The following MCM8 variants were observed in gnomAD, a reference collection of about 807,000 sequenced individuals.
MCM8 encodes the protein DNA helicase MCM8.
Under a neutral mutation model 98.9 loss-of-function variants are expected in MCM8, and 85 were observed. The observed-to-expected ratio is 0.86, with a 90% CI of 0.72 to 1.03. MCM8 has a LOEUF of 1.03. MCM8 is among the 50% of genes least tolerant of loss of function. The probability of loss-of-function intolerance (pLI) is 0.00; values close to 1 mark genes in which losing one functional copy is unlikely to be tolerated. For synonymous variants in MCM8, 352 were observed against 338.6 expected (o/e 1.04, Z -0.44); for missense variants, 951 against 997.8 (o/e 0.95, Z 0.63).
chr20:5,972,184 A>G (rs2089418619), intron 11 of MCM8, 147 bp downstream of exon 11: 2 of 521,494 alleles, frequency 3.8e-6, no homozygotes, highest in Non-Finnish European at 6.6e-6. Flanking sequence ...GGAGGCAAGC[A>G]AACTATAGCT....
chr20:5,951,458 C>A (rs2088820698), intron 1 of MCM8, among the ~76,000 whole-genome samples: 1 of 151,930 alleles, frequency 6.6e-6, no homozygotes, highest in East Asian at 1.9e-4. Flanking sequence ...TCTTTATTTA[C>A]TTGTATACTT....
chr20:5,959,218 TTATC>T (rs2089071053), intron 7 of MCM8, among the ~76,000 whole-genome samples: 2 of 152,222 alleles, frequency 1.3e-5, no homozygotes, highest in South Asian at 2.1e-4. Flanking sequence ...TAATTAACAT[TTATC>T]TACTCTATGA....
In MCM8 at chr20:5,967,444, A is replaced by G; in HGVS notation, c.884A>G (p.Glu295Gly). 1.2e-6 allele frequency: 2 copies of G among 1,612,778 alleles called. No homozygotes were observed. Among genetic ancestry groups the G allele is most frequent in the Non-Finnish European group, 1.7e-6 (2 of 1,179,362 alleles). Residue 295 changes from glutamate to glycine, a missense_variant, in exon 9 of 19, where the codon GAA (glutamate) becomes GGA (glycine). Physicochemically the swap from Glu to Gly is moderately conservative, Grantham distance 98. Transcript: ENST00000610722. ...TMDWQSIKIQ[E>G]LMSDDQREAG... is the part of the protein sequence containing the mutation. ...CTATTTAAACTTTTTAGAATCCAGG[A>G]ATTGATGTCTGATGATCAGAGAGAA...
In MCM8 at chr20:5,967,936, G is replaced by A; in HGVS notation, c.1134G>A (p.Lys378=). 1 of 1,614,144 alleles carries A rather than the reference G, an allele frequency of 6.2e-7. No individual in the cohort carries two copies. The highest frequency in any genetic ancestry group is 8.5e-7 in the Non-Finnish European group (1 of 1,179,998). ...QKTKSSEDGC[K]HGMLMEFSLK... is the part of the protein sequence containing the mutation. ...CAAAGAGTTCTGAGGATGGGTGTAAGCATGGAATGTTGATGGAGTTCTCAC... is the reference window on the plus strand; with the variant it reads ...CAAAGAGTTCTGAGGATGGGTGTAAACATGGAATGTTGATGGAGTTCTCAC... Residue 378 remains lysine, a synonymous_variant, in exon 10 of 19, where the codon AAG becomes AAA. Coordinates refer to ENST00000610722, the MANE Select transcript of MCM8 (RefSeq NM_032485.6).
chr20:5,994,793 C>A lies in MCM8; in HGVS notation c.*402C>A. On this transcript the variant is annotated 3_prime_UTR_variant, in exon 19 of 19. Coordinates refer to ENST00000610722, the MANE Select transcript of MCM8 (RefSeq NM_032485.6). ...GTATGGTGGCACATGCCTATAGTCT[C>A]AGCTACTTGTGAGGCTGAGGCAGGA... is the stretch of plus-strand genomic sequence containing the variant. 2 of 436,404 alleles carry A rather than the reference C, an allele frequency of 4.6e-6. No individual in the cohort carries two copies. Among genetic ancestry groups the A allele is most frequent in the Admixed American group, 2.5e-5 (1 of 39,652 alleles). 27.0% of individuals were successfully genotyped at this position (436,404 alleles called of 1,614,324 possible).
At chr20:5,970,873 A>G (rs1478299505) in intron 10 of MCM8, among the ~76,000 whole-genome samples, 1 of 152,122 alleles carries the variant, frequency 6.6e-6, no homozygotes, top group Non-Finnish European at 1.5e-5. Flanking sequence ...CCGTGGCACA[A>G]TCAGAGCTCA....
chr20:5,956,797 A>G (rs1421357665), intron 5 of MCM8, among the ~76,000 whole-genome samples: 1 of 151,882 alleles, frequency 6.6e-6, no homozygotes, highest in Admixed American at 6.6e-5. Flanking sequence ...ATAGAGAAAT[A>G]GGAATGCATT....
At chr20:5,955,349 C>T (rs2088949868) in intron 5 of MCM8, 98 bp downstream of exon 5, 1 of 1,153,658 alleles carries the variant, frequency 8.7e-7, no homozygotes, top group Non-Finnish European at 1.2e-6. Flanking sequence ...TTTACAGTGA[C>T]TGTACTTTCT....
chr20:5,955,686 A>G (rs908280195), intron 5 of MCM8, among the ~76,000 whole-genome samples: 4 of 152,252 alleles, frequency 2.6e-5, no homozygotes, highest in Non-Finnish European at 5.9e-5. Context: ...AATGTAAATA[A>G]CAGTTTGTAC....
intron 8 of MCM8, among the ~76,000 whole-genome samples, chr20:5,964,910 C>T (rs2089241744): frequency 1.3e-5 from 2 of 152,036 alleles, no homozygotes; most frequent in Admixed American, 1.3e-4. Context: ...AGGCACAGTC[C>T]CCACAACTTG....
chr20:5,975,239 A>G (rs2089483777), intron 12 of MCM8, among the ~76,000 whole-genome samples: 2 of 152,042 alleles, frequency 1.3e-5, no homozygotes, highest in South Asian at 4.2e-4. Flanking sequence ...AGCCTGGGCA[A>G]TAGAGCAAGA....
At chr20:5,989,299 A>G (rs1392985340) in intron 17 of MCM8, among the ~76,000 whole-genome samples, 1 of 151,924 alleles carries the variant, frequency 6.6e-6, no homozygotes, top group Non-Finnish European at 1.5e-5. Flanking sequence ...TATTTTTAGT[A>G]GAGATGGGGT....
At chr20:5,969,994 G>A (rs956345740) in intron 10 of MCM8, among the ~76,000 whole-genome samples, 6 of 152,100 alleles carry the variant, frequency 3.9e-5, no homozygotes, top group African/African-American at 1.4e-4. Context: ...TCTTCCCACA[G>A]TTTGCTTTTT....
Position 5,996,629 on chromosome 20 carries a change from G to C in MCM8, c.*2238G>C, listed in dbSNP as rs560070577. 3.3e-5 allele frequency: 5 copies of C among 152,142 alleles called. No homozygotes were observed. In the South Asian group the frequency reaches 1.0e-3, roughly 31 times the overall value. 9.4% of individuals were successfully genotyped at this position (152,142 alleles called of 1,614,324 possible). On this transcript the variant is annotated 3_prime_UTR_variant, in exon 19 of 19. Transcript: ENST00000610722. ...AACCAAAATAAAGTGGTAGACAGAA[G>C]AGAAAATATACTAATTTATTGTTCA... is the stretch of plus-strand genomic sequence containing the variant.
chr20:5,982,843 G>A lies in MCM8; in HGVS notation c.1538-127G>A, dbSNP rs1327089429. ...AACAAACAGTAATTCTCCATTGTATGACATTTTATAATTTTAACTGCTGAA... is the reference window on the plus strand; with the variant it reads ...AACAAACAGTAATTCTCCATTGTATAACATTTTATAATTTTAACTGCTGAA... On this transcript the variant is annotated intron_variant, in intron 13 of 18. Coordinates refer to ENST00000610722, the MANE Select transcript of MCM8 (RefSeq NM_032485.6). 9.1e-6 allele frequency: 7 copies of A among 767,734 alleles called. 1 individual carries two copies. Among genetic ancestry groups the A allele is most frequent in the South Asian group, 3.7e-5 (2 of 53,906 alleles). The allele number at this position is 767,734 out of a possible 1,614,324, so 47.6% of individuals were successfully genotyped here.
intron 17 of MCM8, among the ~76,000 whole-genome samples, chr20:5,988,603 C>G (rs140138166): frequency 2.6e-5 from 4 of 152,192 alleles, no homozygotes; most frequent in African/African-American, 7.2e-5. Context: ...CCTTTGTAGA[C>G]AAATGGTAAC....
In MCM8 at chr20:5,978,005, C is replaced by T. The variant is rs2089550015; in HGVS notation, c.1525C>T (p.Leu509Phe). 3.7e-6 allele frequency: 6 copies of T among 1,614,208 alleles called. No individual in the cohort carries two copies. Among genetic ancestry groups the T allele is most frequent in the Middle Eastern group, 1.7e-4 (1 of 6,060 alleles). ...TGCTTTGGAAGCTGGTGCCCTGGTA[C>T]TTGGTGATCAAGGTGAGAGGCCAAA... ...DFALEAGALV[L>F]GDQGICGIDE... Residue 509 changes from leucine to phenylalanine, a missense_variant, in exon 13 of 19, where the codon CTT (leucine) becomes TTT (phenylalanine). Transcript: ENST00000610722.
intron 17 of MCM8, 62 bp from the exon 18 acceptor site, chr20:5,993,444 C>T: frequency 2.2e-6 from 3 of 1,346,940 alleles, no homozygotes; most frequent in Non-Finnish European, 3.0e-6. Flanking sequence ...ACCTGAAAGC[C>T]CAGGACAACA....
rs1568595378 is a variant in MCM8, at chr20:5,984,792, CACT to C, written c.1750_1752del (p.Leu584del). 1 of 1,610,946 alleles carries C rather than the reference CACT, an allele frequency of 6.2e-7. No individual in the cohort carries two copies. Among genetic ancestry groups the C allele is most frequent in the Non-Finnish European group, 8.5e-7 (1 of 1,177,256 alleles). ...TTCATCCTTCATAGAATGGGGAGTGCACTACTATCCAGATTTGATTTGGTCTTT... is the reference window on the plus strand; with the variant it reads ...TTCATCCTTCATAGAATGGGGAGTGCACTATCCAGATTTGATTTGGTCTTT... On this transcript the variant is annotated inframe_deletion, in exon 15 of 19. Coordinates refer to ENST00000610722, the MANE Select transcript of MCM8 (RefSeq NM_032485.6).
Sources: gnomAD v4.1 joint callset for allele counts (sites outside exome capture counted in the v4.1 genomes callset) on GRCh38, gnomAD v4.1.1 for gene constraint, MANE v1.5 for transcripts, NCBI Gene and HGNC (gene_info 2026-07-23, HGNC 2026-07-21) for gene names.